The following GREB1 variants were observed in gnomAD, a reference collection of about 807,000 sequenced individuals.
GREB1 encodes the protein growth regulating estrogen receptor binding 1.
In GREB1, 106 loss-of-function variants were observed where a neutral mutation model predicts 200.7. The ratio of observed to expected loss-of-function variants is 0.53; its 90% CI spans 0.45 to 0.62. The LOEUF (loss-of-function observed/expected upper bound fraction) is 0.62, where lower values mean the gene tolerates loss of function less well. GREB1 is among the 20% of genes least tolerant of loss of function. GREB1 has a pLI of 0.00. For synonymous variants in GREB1, 1,132 were observed against 1,092.4 expected, an observed-to-expected ratio of 1.04 and a Z score of -0.72; for missense variants, 2,243 against 2,556.8, an observed-to-expected ratio of 0.88 and a Z score of 2.65.
In GREB1 at chr2:11,638,703, C is replaced by T. The variant is rs757107623; in HGVS notation, c.5580C>T (p.His1860=). The change falls in exon 32 of 33, where the codon CAC becomes CAT. Residue 1860 remains histidine, a synonymous_variant. Transcript: ENST00000381486. ...TTTGCTATGTGAGCTCCAGGCCCCACTCTTTAAACATCAGCTGCTCGGACT... is the reference window on the plus strand; with the variant it reads ...TTTGCTATGTGAGCTCCAGGCCCCATTCTTTAAACATCAGCTGCTCGGACT... ...ISVCYVSSRP[H]SLNISCSDLL... The T allele has an allele frequency of 1.2e-6, 2 of 1,614,136 alleles. No homozygotes were observed. The highest frequency in any genetic ancestry group is 8.5e-7 in the Non-Finnish European group (1 of 1,179,970).
intron 16 of GREB1, 122 bp from the exon 17 acceptor site, chr2:11,602,283 CT>C: frequency 1.3e-6 from 1 of 785,950 alleles, no homozygotes; most frequent in South Asian, 1.6e-5. Flanking sequence ...ATCCAAGCCA[CT>C]GCACAGTGGG....
chr2:11,618,790 C>T lies in GREB1; in HGVS notation c.3915C>T (p.Ser1305=). 1 of 1,611,188 alleles carries T rather than the reference C, an allele frequency of 6.2e-7. No homozygotes were observed. Among genetic ancestry groups the T allele is most frequent in the Non-Finnish European group, 8.5e-7 (1 of 1,179,900 alleles). ...CCCTGCTCAGCAAGACCATGACATC[C>T]ACCGAGCAGTCCCTCTACTACCGGC... is the stretch of plus-strand genomic sequence containing the variant. ...FRPLLSKTMT[S]TEQSLYYRQW... The change falls in exon 22 of 33, where the codon TCC becomes TCT. Residue 1305 remains serine (S), a synonymous_variant. Transcript: ENST00000381486.
Position 11,489,844 on chromosome 2 carries a change from A to G in GREB1, c.-159+7463A>G, listed in dbSNP as rs1672740112. On this transcript the variant is annotated intron_variant, in intron 1 of 2. Transcript: ENST00000628795. ...GTTGTTATTATCGTTCCCATTTTAT[A>G]GGTGAGGAACAGGCTCAGAAGTGGC... Among the ~76,000 whole-genome samples the G allele has an allele frequency of 2.6e-5, 4 of 152,066 alleles. No homozygotes were observed. In the South Asian group the frequency reaches 8.3e-4, roughly 31 times the overall value.
intron 15 of GREB1, among the ~76,000 whole-genome samples, chr2:11,600,284 C>G (rs186616577): frequency 6.6e-6 from 1 of 152,114 alleles, no homozygotes; most frequent in African/African-American, 2.4e-5. Flanking sequence ...GGAGAGAATG[C>G]AAAGGCCTTT....
chr2:11,535,700 G>A (rs1441504276), intron 1 of GREB1, among the ~76,000 whole-genome samples: 1 of 152,100 alleles, frequency 6.6e-6, no homozygotes, highest in African/African-American at 2.4e-5. Context: ...AAGGGGAGAG[G>A]CTGAGGAAAG....
chr2:11,578,734 T>G (rs910185421), intron 6 of GREB1, among the ~76,000 whole-genome samples: 10 of 152,112 alleles, frequency 6.6e-5, no homozygotes, highest in African/African-American at 2.4e-4. Context: ...GCTCTCTATG[T>G]AAAGATGCTG....
At chr2:11,532,073 A>T (rs1271528244), upstream of GREB1, among the ~76,000 whole-genome samples, 1 of 152,246 alleles carries the variant, frequency 6.6e-6, no homozygotes, top group African/African-American at 2.4e-5. Flanking sequence ...AAATATGTTG[A>T]AATTATCTTT....
Position 11,588,802 on chromosome 2 carries a change from C to G in GREB1, c.1216C>G (p.Leu406Val), listed in dbSNP as rs750936323. 24 of 1,614,098 alleles carry G rather than the reference C, an allele frequency of 1.5e-5. No individual in the cohort carries two copies. Among genetic ancestry groups the G allele is most frequent in the Non-Finnish European group, 2.0e-5 (24 of 1,180,020 alleles). ...CCTGAATGACGTCGTGGTCAGCCCC[C>G]TCTTGTACACGTGCTACCAGAATTC... Reference protein sequence around the residue: ...GNLNDVVVSPLLYTCYQNSQS... With the variant: ...GNLNDVVVSPVLYTCYQNSQS... Residue 406 changes from leucine (L) to valine (V), a missense_variant, in exon 10 of 33, where the codon CTC becomes GTC. By Grantham distance (32) the Leu-to-Val change is conservative. Around this residue, in one of 3 missense-constraint regions of GREB1, gnomAD observed 1,178 missense variants for 1,387.4 expected, o/e 0.85. Coordinates refer to ENST00000381486, the MANE Select transcript of GREB1 (RefSeq NM_014668.4).
In GREB1 at chr2:11,597,637, TA is replaced by T; in HGVS notation, c.1955-141del. On this transcript the variant is annotated intron_variant, in intron 13 of 32. Transcript: ENST00000381486. This position sits in a 1 kb window ranked among gnomAD's most constrained non-coding sequence, Gnocchi z 4.1. ...TGCTTAGCTGAGAGCAGGGACTTGA[TA>T]AACGTGAGTTATTCCCCTTTCCCTC... 1 of 701,234 alleles carries T rather than the reference TA, an allele frequency of 1.4e-6. No homozygotes were observed. The highest frequency in any genetic ancestry group is 2.5e-6 in the Non-Finnish European group (1 of 398,140). The allele number at this position is 701,234 out of a possible 1,614,324, so 43.4% of individuals were successfully genotyped here.
chr2:11,627,036 G>T lies in GREB1; in HGVS notation c.4381G>T (p.Ala1461Ser). 3.7e-6 allele frequency: 6 copies of T among 1,613,946 alleles called. No individual in the cohort carries two copies. The highest frequency in any genetic ancestry group is 4.2e-6 in the Non-Finnish European group (5 of 1,179,828). Residue 1461 changes from alanine (A) to serine (S), a missense_variant, in exon 25 of 33, where the codon GCA becomes TCA. Coordinates refer to ENST00000381486, the MANE Select transcript of GREB1 (RefSeq NM_014668.4). ...GGCACGGATGAGACTGTCCAAGTAC[G>T]CAGCGTACAACACTTACCACCACTG... ...QTARMRLSKY[A>S]AYNTYHHCEQ...
chr2:11,634,821 G>A (rs546077067), intron 29 of GREB1, among the ~76,000 whole-genome samples: 8 of 152,280 alleles, frequency 5.3e-5, no homozygotes, highest in East Asian at 1.9e-4. Flanking sequence ...TCCAAGAACC[G>A]GGGTTCTGCT....
intron 1 of GREB1, among the ~76,000 whole-genome samples, chr2:11,555,864 G>T (rs902278933): frequency 1.3e-5 from 2 of 152,088 alleles, no homozygotes; most frequent in Non-Finnish European, 2.9e-5. Flanking sequence ...AAGTGGTAAG[G>T]TATGTGAATT....
chr2:11,551,939 A>G (rs1675890016), intron 1 of GREB1, among the ~76,000 whole-genome samples: 1 of 152,216 alleles, frequency 6.6e-6, no homozygotes, highest in African/African-American at 2.4e-5. Flanking sequence ...GTCATTTATA[A>G]TCTGAAATTC....
rs572212792 is a variant in GREB1 at position 11,584,918 on chromosome 2, G to A, written c.902-243G>A. ...TTTGGCATCAATATGGTGACCTCCCGGGAGTGGAGGACCACCAGGTTGCCT... is the reference window on the plus strand; with the variant it reads ...TTTGGCATCAATATGGTGACCTCCCAGGAGTGGAGGACCACCAGGTTGCCT... On this transcript the variant is annotated intron_variant, in intron 7 of 32. Coordinates refer to ENST00000381486, the MANE Select transcript of GREB1 (RefSeq NM_014668.4). The A allele has an allele frequency of 3.0e-5, 11 of 368,876 alleles. No individual in the cohort carries two copies. The South Asian group carries it at 3.4e-4, about 12-fold the overall frequency. The allele number at this position is 368,876 out of a possible 1,614,324, so 22.9% of individuals were successfully genotyped here.
chr2:11,630,185 C>A, intron 26 of GREB1, 76 bp downstream of exon 26: 1 of 1,458,192 alleles, frequency 6.9e-7, no homozygotes, highest in South Asian at 1.2e-5. Context: ...AGAGACAGAG[C>A]TTCCTGTGAG....
intron 32 of GREB1, among the ~76,000 whole-genome samples, chr2:11,639,308 C>G (rs749474177): frequency 6.6e-6 from 1 of 152,192 alleles, no homozygotes; most frequent in African/African-American, 2.4e-5. Flanking sequence ...AGGCTGGTCT[C>G]GAACTCCCGA....
chr2:11,564,620 C>T (rs7581901), intron 3 of GREB1, among the ~76,000 whole-genome samples: 10,485 of 152,274 alleles, frequency 0.069, 1,100 homozygotes, highest in African/African-American at 0.23. Context: ...CTACATCCCT[C>T]CAGCTCTTCA....
chr2:11,595,412 A>T (rs1004524200), intron 12 of GREB1, 33 bp downstream of exon 12: 6 of 1,604,772 alleles, frequency 3.7e-6, no homozygotes, highest in Non-Finnish European at 5.1e-6. Flanking sequence ...GCACATGCGT[A>T]TGTTAATAGG....
intron 1 of GREB1, among the ~76,000 whole-genome samples, chr2:11,490,783 A>G (rs762340363): frequency 2.0e-5 from 3 of 152,206 alleles, no homozygotes; most frequent in Non-Finnish European, 2.9e-5. Context: ...TCCTGACCTC[A>G]GGTGATCTGC....
Sources: allele counts gnomAD v4.1 joint callset (sites outside exome capture counted in the v4.1 genomes callset), GRCh38; gene constraint gnomAD v4.1.1; regional missense constraint gnomAD v4.1.1; non-coding constraint Gnocchi (gnomAD v3.1); transcripts MANE v1.5; gene names NCBI Gene and HGNC (gene_info 2026-07-23, HGNC 2026-07-21).